The following ANK1 variants were observed in gnomAD, a reference collection of about 807,000 sequenced individuals.
The protein encoded by ANK1 is ankyrin 1.
ANK1 carries 51 observed loss-of-function variants against 210.4 expected under a neutral mutation model. The ratio of observed to expected loss-of-function variants is 0.24; its 90% CI spans 0.19 to 0.31. The LOEUF is 0.31. Among genes scored for constraint, ANK1 ranks in the 10% least tolerant of loss-of-function variants. The pLI, the probability that ANK1 is intolerant of heterozygous loss-of-function variation, is 1.00. For synonymous variants in ANK1, 967 were observed against 1,025.9 expected (o/e 0.94, Z 1.10); for missense variants, 2,051 against 2,504.4 (o/e 0.82, Z 3.86).
chr8:41,690,734 C>T (rs1819056892), intron 31 of ANK1, 135 bp from the exon 32 acceptor site: 2 of 1,407,374 alleles, frequency 1.4e-6, no homozygotes, highest in African/African-American at 2.8e-5. Context: ...GCTGAGAAAT[C>T]CACTGTTTGT....
chr8:41,880,184 T>A (rs1434952029), intron 1 of ANK1, among the ~76,000 whole-genome samples: 1 of 152,220 alleles, frequency 6.6e-6, no homozygotes, highest in Admixed American at 6.5e-5. Context: ...TCAGTGTCCA[T>A]AAATAAAGTT....
intron 2 of ANK1, among the ~76,000 whole-genome samples, chr8:41,750,732 G>A (rs925666930): frequency 1.8e-4 from 27 of 152,256 alleles, no homozygotes; most frequent in African/African-American, 5.8e-4. Context: ...ATGAAGGCAC[G>A]CAGTAACAAG....
At chr8:41,702,690 G>A (rs898082436) in intron 20 of ANK1, among the ~76,000 whole-genome samples, 6 of 152,328 alleles carry the variant, frequency 3.9e-5, no homozygotes, top group South Asian at 4.1e-4. Context: ...GAAGAGCTAC[G>A]TGATCATAAA....
chr8:41,742,234 G>A (rs1834974477), intron 2 of ANK1, among the ~76,000 whole-genome samples: 1 of 152,152 alleles, frequency 6.6e-6, no homozygotes, highest in African/African-American at 2.4e-5. Flanking sequence ...TCTTCTGATT[G>A]CCCCAGTTGC....
At chr8:41,803,163 G>T (rs1325078391) in intron 1 of ANK1, among the ~76,000 whole-genome samples, 3 of 146,624 alleles carry the variant, frequency 2.0e-5, no homozygotes, top group Non-Finnish European at 4.5e-5. Context: ...AAAGAAAAGA[G>T]AAAAAGAGAG....
At chr8:41,822,127 AGAAAG>A (rs879586694) in intron 1 of ANK1, among the ~76,000 whole-genome samples, 2,757 of 33,218 alleles carry the variant, frequency 0.083, 101 homozygotes, top group African/African-American at 0.17. Context: ...AGAAAGAGAA[AGAAAG>A]AGAAAGAAAG....
At chr8:41,677,789 C>T (rs2150569670) in intron 37 of ANK1, among the ~76,000 whole-genome samples, 1 of 152,130 alleles carries the variant, frequency 6.6e-6, no homozygotes, top group Admixed American at 6.5e-5. Context: ...GGAGTTTCAC[C>T]CTGTTGCCCA....
At chr8:41,707,645 G>A (rs1265304442) in intron 17 of ANK1, among the ~76,000 whole-genome samples, 1 of 152,212 alleles carries the variant, frequency 6.6e-6, no homozygotes, top group East Asian at 1.9e-4. Flanking sequence ...ATGACAGAGT[G>A]GGTTTCCAGT....
At chr8:41,708,219 T>G (rs1825198521) in intron 17 of ANK1, among the ~76,000 whole-genome samples, 1 of 152,244 alleles carries the variant, frequency 6.6e-6, no homozygotes, top group Non-Finnish European at 1.5e-5. Context: ...TTAGTCTTTT[T>G]TTTTGGGTCA....
intron 1 of ANK1, among the ~76,000 whole-genome samples, chr8:41,879,632 G>A (rs761704746): frequency 3.3e-5 from 5 of 152,240 alleles, no homozygotes; most frequent in South Asian, 2.1e-4. Flanking sequence ...AAGAGGTGCC[G>A]CTGGACAGAT....
chr8:41,780,292 T>C (rs1845007970), intron 1 of ANK1, among the ~76,000 whole-genome samples: 1 of 152,204 alleles, frequency 6.6e-6, no homozygotes, highest in African/African-American at 2.4e-5. Context: ...CCCAACGAGC[T>C]AGGATTACTG....
chr8:41,702,284 AAG>A (rs1183960907), intron 20 of ANK1, 140 bp from the exon 21 acceptor site: 4 of 664,048 alleles, frequency 6.0e-6, no homozygotes, highest in Non-Finnish European at 1.1e-5. Context: ...GGGGCCCAGA[AAG>A]AGATCCCTGC....
intron 25 of ANK1, 40 bp from the exon 26 acceptor site, chr8:41,696,627 C>G: frequency 6.2e-7 from 1 of 1,611,394 alleles, no homozygotes; most frequent in Non-Finnish European, 8.5e-7. Context: ...TCTGCATCCC[C>G]TCTCGGAGAT....
chr8:41,785,067 G>A (rs1390945663), intron 1 of ANK1, among the ~76,000 whole-genome samples: 1 of 152,206 alleles, frequency 6.6e-6, no homozygotes, highest in African/African-American at 2.4e-5. Context: ...TCAGATGAAA[G>A]CAGAATGAGA....
Position 41,706,254 on chromosome 8 carries a change from A to T in ANK1, c.1999-13T>A, listed in dbSNP as rs768873572. The stretch of plus-strand genomic sequence containing the variant: ...GAGTGAGTCCGCTCTGCAAAGAAAA[A>T]GACGTTCATCACCTTCTATCAAGTA... On this transcript the variant is annotated splice_polypyrimidine_tract_variant and intron_variant, in intron 17 of 42. Coordinates refer to ENST00000289734, the MANE Select transcript of ANK1 (RefSeq NM_000037.4). 1 of 1,611,614 alleles carries T rather than the reference A, an allele frequency of 6.2e-7. No individual in the cohort carries two copies. The highest frequency in any genetic ancestry group is 1.1e-5 in the South Asian group (1 of 90,872).
intron 1 of ANK1, among the ~76,000 whole-genome samples, chr8:41,820,307 C>T (rs1038656247): frequency 1.3e-5 from 2 of 150,774 alleles, no homozygotes; most frequent in African/African-American, 4.9e-5. Context: ...TTGCAGGTGT[C>T]CACCACCACA....
chr8:41,871,369 A>C (rs780019087), intron 1 of ANK1, among the ~76,000 whole-genome samples: 6 of 152,198 alleles, frequency 3.9e-5, no homozygotes, highest in Non-Finnish European at 5.9e-5. Context: ...GGGCAGCAGC[A>C]TGATCACAGC....
intron 16 of ANK1, among the ~76,000 whole-genome samples, chr8:41,710,914 G>A (rs1390379452): frequency 6.6e-6 from 1 of 152,202 alleles, no homozygotes; most frequent in African/African-American, 2.4e-5. Context: ...GTGGTGAAAC[G>A]AAAAGTTGAG....
intron 1 of ANK1, among the ~76,000 whole-genome samples, chr8:41,885,889 C>T (rs1309072064): frequency 6.6e-6 from 1 of 152,212 alleles, no homozygotes; most frequent in Admixed American, 6.5e-5. Context: ...AGATCAGGTT[C>T]ACATTTCTCC....
Sources: allele counts gnomAD v4.1 joint callset (sites outside exome capture counted in the v4.1 genomes callset), GRCh38; gene constraint gnomAD v4.1.1; transcripts MANE v1.5; gene names NCBI Gene and HGNC (gene_info 2026-07-23, HGNC 2026-07-21).